Variants in USP46 observed in about 807,000 individuals in gnomAD.
The protein encoded by USP46 is ubiquitin carboxyl-terminal hydrolase 46.
In USP46, 12 loss-of-function variants were observed where a neutral mutation model predicts 44.4. The observed-to-expected ratio is 0.27, with a 90% CI of 0.17 to 0.44. USP46 has a LOEUF of 0.44. USP46 is among the 20% of genes least tolerant of loss of function. The pLI, the probability that USP46 is intolerant of heterozygous loss-of-function variation, is 1.00. For synonymous variants in USP46, 155 were observed against 161.5 expected, an observed-to-expected ratio of 0.96 and a Z score of 0.31; for missense variants, 248 against 444.8, an observed-to-expected ratio of 0.56 and a Z score of 3.98.
chr4:52,644,055 C>T (rs1053425671), intron 1 of USP46, among the ~76,000 whole-genome samples: 13 of 152,316 alleles, frequency 8.5e-5, no homozygotes, highest in East Asian at 1.9e-4. Context: ...AGAGTGGCTA[C>T]GAATGCCTGA....
In USP46 at chr4:52,591,158, T is replaced by C. The variant is rs1715993369; in HGVS notation, c.*6482A>G. The C allele has an allele frequency of 6.6e-6, 1 of 152,232 alleles. No homozygotes were observed. Among genetic ancestry groups the C allele is most frequent in the Non-Finnish European group, 1.5e-5 (1 of 68,040 alleles). The allele number at this position is 152,232 out of a possible 1,614,324, so 9.4% of individuals were successfully genotyped here. On this transcript the variant is annotated 3_prime_UTR_variant, in exon 9 of 9. Transcript: ENST00000441222. ...CTGCAGGAGGTGTGAAGGCTCATTC[T>C]TAAAGTTTTCTCACGTTTATTTTCC... is the stretch of plus-strand genomic sequence containing the variant.
At chr4:52,604,065 C>CT (rs1375638671) in intron 6 of USP46, among the ~76,000 whole-genome samples, 14 of 152,160 alleles carry the variant, frequency 9.2e-5, no homozygotes, top group African/African-American at 3.4e-4. Flanking sequence ...TTTTAAACCT[C>CT]TGTCTCTAAA....
chr4:52,608,173 T>C (rs1057140885), intron 5 of USP46, among the ~76,000 whole-genome samples: 1 of 152,234 alleles, frequency 6.6e-6, no homozygotes, highest in Non-Finnish European at 1.5e-5. Flanking sequence ...CACTAAAGCC[T>C]TATGCAAATA....
At chr4:52,611,124 T>G (rs771160537) in intron 4 of USP46, among the ~76,000 whole-genome samples, 1 of 152,348 alleles carries the variant, frequency 6.6e-6, no homozygotes, top group South Asian at 2.1e-4. Context: ...GGCAATGGGC[T>G]GGAGAATCGC....
chr4:52,649,328 C>T (rs1718670633), intron 1 of USP46, among the ~76,000 whole-genome samples: 1 of 152,172 alleles, frequency 6.6e-6, no homozygotes. Context: ...CTTCCATGGG[C>T]AGGATCTCTT....
At chr4:52,623,382 T>C (rs1215887379) in intron 4 of USP46, among the ~76,000 whole-genome samples, 1 of 152,186 alleles carries the variant, frequency 6.6e-6, no homozygotes, top group African/African-American at 2.4e-5. Flanking sequence ...ACATGAAATA[T>C]GTTAAAATTC....
At chr4:52,642,089 G>A (rs1302502806) in intron 1 of USP46, among the ~76,000 whole-genome samples, 3 of 152,154 alleles carry the variant, frequency 2.0e-5, no homozygotes, top group Non-Finnish European at 4.4e-5. Flanking sequence ...ATAGTCTTAT[G>A]AAGAAAGTGA....
intron 5 of USP46, among the ~76,000 whole-genome samples, chr4:52,609,382 C>T (rs73248665): frequency 0.15 from 22,299 of 152,046 alleles, 1,738 homozygotes; most frequent in African/African-American, 0.22. Context: ...ATTCATAATT[C>T]TAGTTTAAAA....
intron 7 of USP46, among the ~76,000 whole-genome samples, chr4:52,599,881 C>T (rs1308235834): frequency 6.6e-6 from 1 of 152,050 alleles, no homozygotes; most frequent in African/African-American, 2.4e-5. Context: ...ACACTGCCCC[C>T]TTCATATTAT....
At position 52,594,532 on chromosome 4, in the gene USP46, T is replaced by A. The variant is rs1407631641; in HGVS notation, c.*3108A>T. On this transcript the variant is annotated 3_prime_UTR_variant, in exon 9 of 9. Coordinates refer to ENST00000441222, the MANE Select transcript of USP46 (RefSeq NM_022832.4). ...AGTGCTGATAAATGCCTTGACCATA[T>A]AATAGCAAACAAGGGCAAAACATTT... The A allele has an allele frequency of 6.6e-6, 1 of 152,170 alleles. No individual in the cohort carries two copies. Among genetic ancestry groups the A allele is most frequent in the Admixed American group, 6.5e-5 (1 of 15,278 alleles). The allele number at this position is 152,170 out of a possible 1,614,324, so 9.4% of individuals were successfully genotyped here. A position where few individuals can be genotyped will look rare whatever the true frequency, so the allele number is the denominator to read the frequency against.
intron 1 of USP46, among the ~76,000 whole-genome samples, chr4:52,641,297 T>G (rs1210094976): frequency 6.6e-6 from 1 of 152,070 alleles, no homozygotes; most frequent in Non-Finnish European, 1.5e-5. Flanking sequence ...CGTAGTAACC[T>G]TTGAAAAACA....
intron 6 of USP46, 45 bp downstream of exon 6, chr4:52,604,456 C>G (rs531430143): frequency 6.5e-7 from 1 of 1,528,728 alleles, no homozygotes; most frequent in African/African-American, 1.4e-5. Flanking sequence ...CAGTCGGGAT[C>G]CTTCTCACCA....
chr4:52,591,987 T>C lies in USP46; in HGVS notation c.*5653A>G, dbSNP rs1294165857. 1 of 152,204 alleles carries C rather than the reference T, an allele frequency of 6.6e-6. No individual in the cohort carries two copies. The highest frequency in any genetic ancestry group is 1.5e-5 in the Non-Finnish European group (1 of 68,028). The allele number at this position is 152,204 out of a possible 1,614,324, so 9.4% of individuals were successfully genotyped here. A position where few individuals can be genotyped will look rare whatever the true frequency, so the allele number is the denominator to read the frequency against. ...TTTGTTTTTCAAAATGTGTTGTCCC[T>C]GAGCTAGAAGGCAGGCTGGGAAGAG... is the stretch of plus-strand genomic sequence containing the variant. On this transcript the variant is annotated 3_prime_UTR_variant, in exon 9 of 9. Coordinates refer to ENST00000441222, the MANE Select transcript of USP46 (RefSeq NM_022832.4).
In USP46 at chr4:52,632,926, AAG is replaced by A. The variant is rs1370709010; in HGVS notation, c.37-1784_37-1783del. 1.6e-4 allele frequency among the ~76,000 whole-genome samples: 9 copies of A among 57,832 alleles called. 1 individual carries two copies. The highest frequency in any genetic ancestry group is 7.8e-4 in the African/African-American group (9 of 11,510). 37.9% of individuals were successfully genotyped at this position (57,832 alleles called of 152,430 possible). ...AAAGAGAAAGAAAGAAAGAGAAAGA[AAG>A]AAAGAAAGAAAGAAAGAAAGAAAGA... On this transcript the variant is annotated intron_variant, in intron 1 of 8. Transcript: ENST00000441222.
chr4:52,632,976 GAAAGAAAGAAAAGAAAAGAAAGAAA>G (rs1717937572), intron 1 of USP46, among the ~76,000 whole-genome samples: 1 of 76,732 alleles, frequency 1.3e-5, no homozygotes, highest in African/African-American at 6.5e-5. Flanking sequence ...AAGAAAGAAA[GAAAGAAAGAAAAGAAAAGAAAGAAA>G]GAAAGAAAGA....
At chr4:52,640,538 T>C (rs1718295512) in intron 1 of USP46, among the ~76,000 whole-genome samples, 1 of 152,166 alleles carries the variant, frequency 6.6e-6, no homozygotes, top group African/African-American at 2.4e-5. Flanking sequence ...GCCAGGCTTA[T>C]GGCTGTAATC....
In USP46 at chr4:52,597,614, G is replaced by A. The variant is rs1028984842; in HGVS notation, c.*26C>T. ...ACAGTGCTGTGAACATTCTCCCCACGTGAATCAGTCCCGCAGGTCTTTCAG... is the reference window on the plus strand; with the variant it reads ...ACAGTGCTGTGAACATTCTCCCCACATGAATCAGTCCCGCAGGTCTTTCAG... On this transcript the variant is annotated 3_prime_UTR_variant, in exon 9 of 9. Transcript: ENST00000441222. 14 of 1,494,938 alleles carry A rather than the reference G, an allele frequency of 9.4e-6. No homozygotes were observed. The African/African-American group carries it at 1.1e-4, about 12-fold the overall frequency. The allele number at this position is 1,494,938 out of a possible 1,614,324, so 92.6% of individuals were successfully genotyped here.
At chr4:52,646,576 A>AT (rs1313900538) in intron 1 of USP46, among the ~76,000 whole-genome samples, 1 of 152,208 alleles carries the variant, frequency 6.6e-6, no homozygotes, top group Admixed American at 6.5e-5. Flanking sequence ...TAACAAAAAA[A>AT]TTAAGGCTTG....
intron 3 of USP46, 84 bp from the exon 4 acceptor site, chr4:52,626,331 ATT>A: frequency 7.2e-6 from 8 of 1,104,816 alleles, no homozygotes; most frequent in Non-Finnish European, 1.0e-5. Flanking sequence ...ATACTTAAAT[ATT>A]TTTTTTTTGA....
Sources: gnomAD v4.1 joint callset for allele counts (sites outside exome capture counted in the v4.1 genomes callset) on GRCh38, gnomAD v4.1.1 for gene constraint, MANE v1.5 for transcripts, NCBI Gene and HGNC (gene_info 2026-07-23, HGNC 2026-07-21) for gene names.